The following ARG1 variants were observed in gnomAD, a reference collection of about 807,000 sequenced individuals.
The protein encoded by ARG1 is arginase 1, also known as arginase-1.
A neutral mutation model predicts 33.0 loss-of-function variants in ARG1; 20 were observed. The observed-to-expected ratio is 0.61, with a 90% CI of 0.43 to 0.88. ARG1 has a LOEUF of 0.88. Among genes scored for constraint, ARG1 ranks in the 40% least tolerant of loss-of-function variants. ARG1 has a pLI of 0.00. For missense variants in ARG1, 374 were observed against 384.7 expected, an observed-to-expected ratio of 0.97 and a Z score of 0.23; for synonymous variants, 146 against 140.6, an observed-to-expected ratio of 1.04 and a Z score of -0.27.
At chr6:131,574,389 A>G (rs1773514245) in intron 1 of ARG1, 3 of 1,435,882 alleles carry the variant, frequency 2.1e-6, no homozygotes, top group Non-Finnish European at 2.9e-6. Flanking sequence ...GAAATCCTCC[A>G]AAAGTCTCTC....
chr6:131,573,480 C>T (rs1232830723), intron 1 of ARG1, 141 bp downstream of exon 1: 3 of 792,592 alleles, frequency 3.8e-6, no homozygotes, highest in Non-Finnish European at 6.4e-6. Flanking sequence ...AGTCCTCTCA[C>T]CATTTTCCAA....
intron 6 of ARG1, 47 bp downstream of exon 6, chr6:131,583,211 T>G: frequency 6.2e-7 from 1 of 1,600,574 alleles, no homozygotes; most frequent in East Asian, 2.2e-5. Context: ...ACAGAAAAGG[T>G]TGCTACTGAC....
chr6:131,582,352 A>G (rs1773969552), intron 4 of ARG1, among the ~76,000 whole-genome samples: 1 of 152,138 alleles, frequency 6.6e-6, no homozygotes, highest in African/African-American at 2.4e-5. Flanking sequence ...TGGGAGCACA[A>G]TCGTTTCTTT....
chr6:131,578,845 A>G (rs1773765113), intron 2 of ARG1, among the ~76,000 whole-genome samples: 1 of 152,164 alleles, frequency 6.6e-6, no homozygotes, highest in African/African-American at 2.4e-5. Flanking sequence ...TATCACTGTT[A>G]CATTTTGGTG....
chr6:131,576,795 A>C, intron 2 of ARG1, 60 bp downstream of exon 2: 1 of 1,463,210 alleles, frequency 6.8e-7, no homozygotes, highest in Non-Finnish European at 9.6e-7. Flanking sequence ...AGGAAAGAGC[A>C]GGCCCCTGTG....
intron 1 of ARG1, among the ~76,000 whole-genome samples, chr6:131,573,732 G>A (rs1773482676): frequency 6.6e-6 from 1 of 152,176 alleles, no homozygotes; most frequent in African/African-American, 2.4e-5. Context: ...CATTTGTTTA[G>A]TTATGTAATT....
chr6:131,583,022 C>A (rs1265828887), intron 5 of ARG1, 38 bp from the exon 6 acceptor site: 1 of 1,455,296 alleles, frequency 6.9e-7, no homozygotes, highest in Non-Finnish European at 9.6e-7. Context: ...GCACAGTCAG[C>A]CTTATTAATT....
chr6:131,573,337 CAGGTA>C lies in ARG1; in HGVS notation c.57+2_57+6del, dbSNP rs1288156431. 1.2e-6 allele frequency: 2 copies of C among 1,613,712 alleles called. No homozygotes were observed. Among genetic ancestry groups the C allele is most frequent in the Non-Finnish European group, 1.7e-6 (2 of 1,179,912 alleles). On this transcript the variant is annotated splice_donor_variant and splice_donor_region_variant and coding_sequence_variant and intron_variant, in exon 1 of 8. Coordinates refer to ENST00000368087, the MANE Select transcript of ARG1 (RefSeq NM_000045.4). LOFTEE classifies it high-confidence loss of function. ...TATTGGAGCTCCTTTCTCAAAGGGA[CAGGTA>C]AGGAAAAAAGTCTTTCTTTGAATTC...
intron 3 of ARG1, among the ~76,000 whole-genome samples, chr6:131,580,992 GT>G (rs1156243020): frequency 6.6e-6 from 1 of 152,122 alleles, no homozygotes; most frequent in Non-Finnish European, 1.5e-5. Context: ...AAAAATCACA[GT>G]TTTTTTAGTA....
At chr6:131,576,756 T>C (rs1425403145) in intron 2 of ARG1, 21 bp downstream of exon 2, 11 of 1,598,576 alleles carry the variant, frequency 6.9e-6, no homozygotes, top group Middle Eastern at 1.7e-4. Context: ...AGTTGAAAAA[T>C]GATCAGCCTG....
chr6:131,575,348 C>G (rs200868452), intron 1 of ARG1, among the ~76,000 whole-genome samples: 80 of 152,096 alleles, frequency 5.3e-4, no homozygotes, highest in Non-Finnish European at 9.4e-4. Flanking sequence ...GAGGAAAAGA[C>G]AAAAACAGAC....
In ARG1 at chr6:131,581,085, T is replaced by C. The variant is rs1206240071; in HGVS notation, c.306-134T>C. On this transcript the variant is annotated intron_variant, in intron 3 of 7. Transcript: ENST00000368087. Reference sequence around the variant, plus strand: ...TCTATTGTTTTAACTAATTGGCATCTCCAATTCAGAACCTATCAGAAATAT... The same window carrying C: ...TCTATTGTTTTAACTAATTGGCATCCCCAATTCAGAACCTATCAGAAATAT... 3.6e-6 allele frequency: 3 copies of C among 839,174 alleles called. No individual in the cohort carries two copies. In the Admixed American group the frequency reaches 5.9e-5, roughly 16 times the overall value. 52.0% of individuals were successfully genotyped at this position (839,174 alleles called of 1,614,324 possible).
At chr6:131,580,822 C>G (rs969517824) in intron 3 of ARG1, among the ~76,000 whole-genome samples, 1 of 152,094 alleles carries the variant, frequency 6.6e-6, no homozygotes, top group Non-Finnish European at 1.5e-5. Context: ...TAAGTATTTA[C>G]CAAGAGAGAT....
intron 1 of ARG1, chr6:131,573,962 C>T (rs182629337): frequency 1.9e-4 from 73 of 375,526 alleles, no homozygotes; most frequent in Middle Eastern, 7.9e-4. Flanking sequence ...AATCCTACTG[C>T]GGGTTGGCAA....
At position 131,581,360 on chromosome 6, in the gene ARG1, G is replaced by C. The variant is rs750937576; in HGVS notation, c.447G>C (p.Leu149=). 2 of 1,613,300 alleles carry C rather than the reference G, an allele frequency of 1.2e-6. No individual in the cohort carries two copies. The highest frequency in any genetic ancestry group is 1.7e-4 in the Middle Eastern group (1 of 6,058). ...ATGGACAACCTGTATCTTTCCTCCT[G>C]AAGGAACTAAAAGGAAAGGTAAAAG... ...NLHGQPVSFL[L]KELKGKIPDV... The change falls in exon 4 of 8, where the codon CTG becomes CTC. Residue 149 remains leucine (L), a synonymous_variant. Transcript: ENST00000368087.
At chr6:131,581,854 T>TACATTA (rs1453726061) in intron 4 of ARG1, among the ~76,000 whole-genome samples, 1 of 152,222 alleles carries the variant, frequency 6.6e-6, no homozygotes, top group Non-Finnish European at 1.5e-5. Flanking sequence ...TATGAACTAA[T>TACATTA]GTATTTACTG....
intron 2 of ARG1, among the ~76,000 whole-genome samples, chr6:131,578,205 C>G (rs200016767): frequency 1.4e-5 from 2 of 138,992 alleles, no homozygotes; most frequent in African/African-American, 2.7e-5. Context: ...AAAAAAAAGA[C>G]AAATACAGAC....
rs1028447199 is a variant in ARG1, at chr6:131,583,120, A to C, written c.621A>C (p.Gly207=). ...CAATGACTGAAGTGGACAGACTAGG[A>C]ATTGGCAAGGTGATGGAAGAAACAC... ...YFSMTEVDRL[G]IGKVMEETLS... is the part of the protein sequence containing the mutation. The change falls in exon 6 of 8, where the codon GGA becomes GGC. Residue 207 remains glycine (G), a synonymous_variant. Coordinates refer to ENST00000368087, the MANE Select transcript of ARG1 (RefSeq NM_000045.4). 5 of 1,613,938 alleles carry C rather than the reference A, an allele frequency of 3.1e-6. No homozygotes were observed. The African/African-American group carries it at 6.7e-5, about 22-fold the overall frequency.
intron 2 of ARG1, among the ~76,000 whole-genome samples, chr6:131,577,979 A>G (rs916768337): frequency 4.6e-5 from 7 of 151,980 alleles, no homozygotes; most frequent in African/African-American, 1.7e-4. Flanking sequence ...AAGCAGCATG[A>G]TAAGACAAGA....
Sources: gnomAD v4.1 joint callset for allele counts (sites outside exome capture counted in the v4.1 genomes callset) on GRCh38, gnomAD v4.1.1 for gene constraint, MANE v1.5 for transcripts, NCBI Gene and HGNC (gene_info 2026-07-23, HGNC 2026-07-21) for gene names.